Variants in LYPD6B observed in about 807,000 individuals in gnomAD.
LYPD6B encodes ly6/PLAUR domain-containing protein 6B.
LYPD6B carries 17 observed loss-of-function variants against 22.8 expected under a neutral mutation model. The ratio of observed to expected loss-of-function variants is 0.75; its 90% CI spans 0.51 to 1.12. The LOEUF is 1.12. Among genes scored for constraint, LYPD6B ranks in the 50% most tolerant of loss-of-function variants. LYPD6B has a pLI of 0.00. For missense variants in LYPD6B, 221 were observed against 258.3 expected (o/e 0.86, Z 0.99); for synonymous variants, 106 against 91.6 (o/e 1.16, Z -0.90).
chr2:149,209,867 T>G (rs1292138212), intron 5 of LYPD6B, among the ~76,000 whole-genome samples: 1 of 152,170 alleles, frequency 6.6e-6, no homozygotes, highest in African/African-American at 2.4e-5. Flanking sequence ...CGCTTATGAG[T>G]GTATGTGCAT....
At chr2:149,159,957 C>T (rs1689947998) in intron 2 of LYPD6B, among the ~76,000 whole-genome samples, 3 of 152,054 alleles carry the variant, frequency 2.0e-5, no homozygotes, top group Admixed American at 6.6e-5. Flanking sequence ...GACCAAACAG[C>T]GGGCCACCAT....
rs185739210 is a variant in LYPD6B, at chr2:149,172,446, G to A, written c.77+11611G>A. Among the ~76,000 whole-genome samples, 11 of 152,126 alleles carry A rather than the reference G, an allele frequency of 7.2e-5. No individual in the cohort carries two copies. In the East Asian group the frequency reaches 1.7e-3, roughly 24 times the overall value. ...CTTCAAAACCTACCCGACCACATGC[G>A]TGGATTTGTAAGGGCAAAGCTCTTC... On this transcript the variant is annotated intron_variant, in intron 3 of 6. Transcript: ENST00000409642.
chr2:149,141,755 G>A (rs1688710332), intron 2 of LYPD6B, among the ~76,000 whole-genome samples: 1 of 152,182 alleles, frequency 6.6e-6, no homozygotes, highest in African/African-American at 2.4e-5. Flanking sequence ...GGATGGCTCA[G>A]AACAACAGAA....
At chr2:149,040,209 C>T (rs1203246004) in intron 1 of LYPD6B, among the ~76,000 whole-genome samples, 26 of 143,024 alleles carry the variant, frequency 1.8e-4, no homozygotes, top group African/African-American at 6.6e-4. Flanking sequence ...CTCTGTCTCT[C>T]TCTCTCTCTC....
intron 1 of LYPD6B, among the ~76,000 whole-genome samples, chr2:149,114,088 A>G (rs1271272770): frequency 1.3e-5 from 2 of 152,134 alleles, no homozygotes; most frequent in Non-Finnish European, 1.5e-5. Flanking sequence ...AACTTCAAGG[A>G]CTTGACCTGA....
rs1406656896 is a variant in LYPD6B, at chr2:149,175,055, C to CTGTG, written c.77+14221_77+14222insGTGT. ...TCTCTCTCTCTCTCTCTCTCTCTCT[C>CTGTG]TCTCTCTGTGTGTGTGTGTGTGTGT... On this transcript the variant is annotated intron_variant, in intron 3 of 6. Coordinates refer to ENST00000409642, the MANE Select transcript of LYPD6B (RefSeq NM_177964.5). Among the ~76,000 whole-genome samples the CTGTG allele has an allele frequency of 5.3e-3, 710 of 133,438 alleles. 12 individuals are homozygous for CTGTG. The highest frequency in any genetic ancestry group is 0.039 in the Admixed American group (497 of 12,838). The allele number at this position is 133,438 out of a possible 152,430, so 87.5% of individuals were successfully genotyped here.
At chr2:149,071,798 A>T (rs140180662) in intron 1 of LYPD6B, among the ~76,000 whole-genome samples, 146 of 152,292 alleles carry the variant, frequency 9.6e-4, no homozygotes, top group African/African-American at 3.3e-3. Context: ...ACGAAGGAAA[A>T]CTTCAAGGAC....
intron 2 of LYPD6B, among the ~76,000 whole-genome samples, chr2:149,150,720 T>C (rs1386811952): frequency 5.9e-5 from 9 of 152,110 alleles, no homozygotes; most frequent in Non-Finnish European, 1.5e-5. Flanking sequence ...TCATGTACTT[T>C]AGTCGTAAAA....
chr2:149,074,876 G>A (rs961671465), intron 1 of LYPD6B, among the ~76,000 whole-genome samples: 1 of 152,122 alleles, frequency 6.6e-6, no homozygotes, highest in Non-Finnish European at 1.5e-5. Context: ...ACAAAAGAAT[G>A]TACAGTGAGA....
intron 2 of LYPD6B, 195 bp downstream of exon 2, chr2:149,131,148 C>CT (rs1688004170): frequency 2.0e-6 from 1 of 492,334 alleles, no homozygotes; most frequent in East Asian, 3.3e-5. Context: ...ATCATATTGA[C>CT]TTTTTATGAA....
chr2:149,066,176 T>A (rs969984639), intron 1 of LYPD6B, among the ~76,000 whole-genome samples: 6 of 152,108 alleles, frequency 3.9e-5, no homozygotes, highest in African/African-American at 1.4e-4. Context: ...TTTTTCAAAT[T>A]TATTATTTTT....
At chr2:149,190,298 G>C (rs1692408707) in intron 3 of LYPD6B, among the ~76,000 whole-genome samples, 1 of 152,136 alleles carries the variant, frequency 6.6e-6, no homozygotes, top group Non-Finnish European at 1.5e-5. Flanking sequence ...GTGTGTCTCT[G>C]TGTGTGTGCA....
chr2:149,120,984 G>T (rs1419008676), intron 1 of LYPD6B, among the ~76,000 whole-genome samples: 1 of 151,640 alleles, frequency 6.6e-6, no homozygotes, highest in East Asian at 2.0e-4. Context: ...TAGAGACAGG[G>T]TTTCACCATG....
At chr2:149,187,546 C>T in intron 3 of LYPD6B, 1 of 1,456,314 alleles carries the variant, frequency 6.9e-7, no homozygotes, top group South Asian at 1.5e-5. Context: ...GGATCTCAGG[C>T]AACGTCAATG....
At chr2:149,172,927 A>C (rs1190433073) in intron 3 of LYPD6B, among the ~76,000 whole-genome samples, 1 of 152,060 alleles carries the variant, frequency 6.6e-6, no homozygotes, top group Non-Finnish European at 1.5e-5. Flanking sequence ...ACCAGCTTGC[A>C]GATGGGGCTT....
At chr2:149,066,228 C>T (rs913524194) in intron 1 of LYPD6B, among the ~76,000 whole-genome samples, 1 of 151,212 alleles carries the variant, frequency 6.6e-6, no homozygotes, top group Non-Finnish European at 1.5e-5. Context: ...GCACAACGTA[C>T]AGGTTTGTTA....
chr2:149,086,853 T>C (rs190120038), intron 1 of LYPD6B, among the ~76,000 whole-genome samples: 245 of 152,350 alleles, frequency 1.6e-3, no homozygotes, highest in African/African-American at 5.6e-3. Context: ...CTCTGTGTCT[T>C]CACATCAACT....
At chr2:149,040,854 ATTG>A (rs1212002646) in intron 1 of LYPD6B, among the ~76,000 whole-genome samples, 2 of 152,154 alleles carry the variant, frequency 1.3e-5, no homozygotes, top group Non-Finnish European at 2.9e-5. Context: ...CTTTTCATTC[ATTG>A]TTTTTTGTTT....
At chr2:149,175,326 T>C (rs1048055537) in intron 3 of LYPD6B, among the ~76,000 whole-genome samples, 10 of 152,064 alleles carry the variant, frequency 6.6e-5, no homozygotes, top group Non-Finnish European at 1.2e-4. Flanking sequence ...TCCAAATATA[T>C]CTAAACATGA....
Sources: allele counts gnomAD v4.1 joint callset (sites outside exome capture counted in the v4.1 genomes callset), GRCh38; gene constraint gnomAD v4.1.1; transcripts MANE v1.5; gene names NCBI Gene and HGNC (gene_info 2026-07-23, HGNC 2026-07-21).